PIEZO2: variants seen among roughly 807,000 people sequenced by gnomAD.
PIEZO2 encodes piezo-type mechanosensitive ion channel component 2.
In PIEZO2, 172 loss-of-function variants were observed where a neutral mutation model predicts 337.3. The ratio of observed to expected loss-of-function variants is 0.51; its 90% CI spans 0.45 to 0.58. PIEZO2 has a LOEUF of 0.58. PIEZO2 is among the 20% of genes least tolerant of loss of function. The pLI, the probability that PIEZO2 is intolerant of heterozygous loss-of-function variation, is 0.00. For missense variants in PIEZO2, 3,028 were observed against 3,391.3 expected (o/e 0.89, Z 2.66); for synonymous variants, 1,251 against 1,228.5 (o/e 1.02, Z -0.38).
In PIEZO2 at chr18:10,726,180, T is replaced by C. The variant is rs991485787; in HGVS notation, c.5029+5227A>G. Among the ~76,000 whole-genome samples, 1 of 152,060 alleles carries C rather than the reference T, an allele frequency of 6.6e-6. No homozygotes were observed. The highest frequency in any genetic ancestry group is 2.4e-5 in the African/African-American group (1 of 41,412). On this transcript the variant is annotated intron_variant, in intron 36 of 55. Transcript: ENST00000674853. The surrounding 1 kb of genome is among the most constrained non-coding windows in gnomAD (Gnocchi z 5.9). The stretch of plus-strand genomic sequence containing the variant: ...GAGAGGATTCATATATGTGAGCAAC[T>C]GTGGATCCTTGGGTGCGAGTCCACC...
rs1029006115 is a variant in PIEZO2, at chr18:10,982,281, G to A, written c.161-2621C>T. Among the ~76,000 whole-genome samples the A allele has an allele frequency of 7.9e-5, 12 of 152,176 alleles. No individual in the cohort carries two copies. The highest frequency in any genetic ancestry group is 1.5e-4 in the Non-Finnish European group (10 of 68,012). ...CATATATCAAAGGGAGTTTATTAAGGAGTATTGACTCACACAGTCACAAGG... is the reference window on the plus strand; with the variant it reads ...CATATATCAAAGGGAGTTTATTAAGAAGTATTGACTCACACAGTCACAAGG... On this transcript the variant is annotated intron_variant, in intron 2 of 55. Transcript: ENST00000674853. The surrounding 1 kb of genome is among the most constrained non-coding windows in gnomAD (Gnocchi z 4.1).
rs981554656 is a variant in PIEZO2, at chr18:11,002,615, C to A, written c.161-22955G>T. Among the ~76,000 whole-genome samples, 3 of 152,170 alleles carry A rather than the reference C, an allele frequency of 2.0e-5. No individual in the cohort carries two copies. The highest frequency in any genetic ancestry group is 4.4e-5 in the Non-Finnish European group (3 of 68,038). The stretch of plus-strand genomic sequence containing the variant: ...AAGGAAATTGGAAAAAATATCAGAG[C>A]TCAATTTGTAAAGATATGCCTAATA... On this transcript the variant is annotated intron_variant, in intron 2 of 55. Transcript: ENST00000674853. This position sits in a 1 kb window ranked among gnomAD's most constrained non-coding sequence, Gnocchi z 4.3.
At chr18:10,728,969 AAAAAAC>A (rs1555633290) in intron 36 of PIEZO2, among the ~76,000 whole-genome samples, 105 of 148,716 alleles carry the variant, frequency 7.1e-4, no homozygotes, top group African/African-American at 2.5e-3. Context: ...AAAAAAAAAA[AAAAAAC>A]AAAAACCAAT....
At position 10,862,731 on chromosome 18, in the gene PIEZO2, C is replaced by T. The variant is rs144360509; in HGVS notation, c.493-5520G>A. The stretch of plus-strand genomic sequence containing the variant: ...AATTATGGGAATGAATTCCAGGAAG[C>T]TGTATGATTAAAGTACTCTCTGGGG... On this transcript the variant is annotated intron_variant, in intron 5 of 55. Transcript: ENST00000674853. This position sits in a 1 kb window ranked among gnomAD's most constrained non-coding sequence, Gnocchi z 4.4. 6.6e-6 allele frequency among the ~76,000 whole-genome samples: 1 copy of T among 152,340 alleles called. No homozygotes were observed. Among genetic ancestry groups the T allele is most frequent in the East Asian group, 1.9e-4 (1 of 5,194 alleles).
Position 11,132,024 on chromosome 18 carries a change from CAG to C in PIEZO2, c.64+16499_64+16500del, listed in dbSNP as rs2040354533. ...TGCTGAGTACCCAATTTGCCAACAG[CAG>C]AGACCAATACTGAGCCCTCGATATG... On this transcript the variant is annotated intron_variant, in intron 1 of 55. Coordinates refer to ENST00000674853, the MANE Select transcript of PIEZO2 (RefSeq NM_001378183.1). This position sits in a 1 kb window ranked among gnomAD's most constrained non-coding sequence, Gnocchi z 4.7. 6.6e-6 allele frequency among the ~76,000 whole-genome samples: 1 copy of C among 152,158 alleles called. No individual in the cohort carries two copies. The highest frequency in any genetic ancestry group is 1.5e-5 in the Non-Finnish European group (1 of 68,026).
In PIEZO2 at chr18:11,035,320, T is replaced by C. The variant is rs1271364512; in HGVS notation, c.160+30807A>G. On this transcript the variant is annotated intron_variant, in intron 2 of 55. Coordinates refer to ENST00000674853, the MANE Select transcript of PIEZO2 (RefSeq NM_001378183.1). This position sits in a 1 kb window ranked among gnomAD's most constrained non-coding sequence, Gnocchi z 4.3. ...GGCACCTTCTCTCTCTCTCCCTCTC[T>C]CTCTCTCTCTCTCTTTCTCTCTCTC... 6.7e-6 allele frequency among the ~76,000 whole-genome samples: 1 copy of C among 148,936 alleles called. No individual in the cohort carries two copies. Among genetic ancestry groups the C allele is most frequent in the Non-Finnish European group, 1.5e-5 (1 of 67,186 alleles).
intron 4 of PIEZO2, among the ~76,000 whole-genome samples, chr18:10,909,984 C>A (rs2030314529): frequency 1.3e-5 from 2 of 152,170 alleles, no homozygotes; most frequent in African/African-American, 4.8e-5. Flanking sequence ...GAAACTGCTA[C>A]CACATGGGTC....
At chr18:10,935,090 G>A (rs182130599) in intron 3 of PIEZO2, among the ~76,000 whole-genome samples, 20 of 152,170 alleles carry the variant, frequency 1.3e-4, no homozygotes, top group African/African-American at 3.9e-4. Flanking sequence ...TTCTGTTTTC[G>A]TCCTTACCTA....
At position 10,773,560 on chromosome 18, in the gene PIEZO2, C is replaced by A. The variant is rs541240851; in HGVS notation, c.2637G>T (p.Pro879=). The A allele has an allele frequency of 3.9e-6, 6 of 1,537,362 alleles. No individual in the cohort carries two copies. Among genetic ancestry groups the A allele is most frequent in the African/African-American group, 1.4e-5 (1 of 73,064 alleles). The change falls in exon 20 of 56, where the codon CCG becomes CCT. Residue 879 remains proline, a synonymous_variant. Coordinates refer to ENST00000674853, the MANE Select transcript of PIEZO2 (RefSeq NM_001378183.1). This position sits in a 1 kb window ranked among gnomAD's most constrained non-coding sequence, Gnocchi z 5.3. ...MMHLTASLEK[P]EVRKLAEPGE... ...CAGGCTCAGCCAACTTCCTCACCTCCGGCTTCTCCAGGCTGGCAGTCAGAT... is the reference window on the plus strand; with the variant it reads ...CAGGCTCAGCCAACTTCCTCACCTCAGGCTTCTCCAGGCTGGCAGTCAGAT...
chr18:10,814,238 G>T (rs923316014), intron 7 of PIEZO2, among the ~76,000 whole-genome samples: 1 of 152,046 alleles, frequency 6.6e-6, no homozygotes, highest in Non-Finnish European at 1.5e-5. Context: ...CAAAGTGCTA[G>T]GATTACAGGC....
At position 11,047,243 on chromosome 18, in the gene PIEZO2, G is replaced by T. The variant is rs150216554; in HGVS notation, c.160+18884C>A. ...GGACGCAAACTTGTCCGAGCTGTTG[G>T]ATGGTCAGCTAAGGTTGTGGATACA... On this transcript the variant is annotated intron_variant, in intron 2 of 55. Transcript: ENST00000674853. This position sits in a 1 kb window ranked among gnomAD's most constrained non-coding sequence, Gnocchi z 7.2. Among the ~76,000 whole-genome samples, 1 of 152,314 alleles carries T rather than the reference G, an allele frequency of 6.6e-6. No individual in the cohort carries two copies. The highest frequency in any genetic ancestry group is 1.5e-5 in the Non-Finnish European group (1 of 68,034).
chr18:10,872,015 G>C lies in PIEZO2; in HGVS notation c.330-600C>G, dbSNP rs1382488297. On this transcript the variant is annotated intron_variant, in intron 4 of 55. Transcript: ENST00000674853. The surrounding 1 kb of genome is among the most constrained non-coding windows in gnomAD (Gnocchi z 4.3). ...AACTTAGTAGTTGCATCCTGCTGGGGGCTTCTCACAGCCATCTGTTCTGCT... is the reference window on the plus strand; with the variant it reads ...AACTTAGTAGTTGCATCCTGCTGGGCGCTTCTCACAGCCATCTGTTCTGCT... Among the ~76,000 whole-genome samples the C allele has an allele frequency of 6.6e-6, 1 of 152,106 alleles. No individual in the cohort carries two copies. Among genetic ancestry groups the C allele is most frequent in the Non-Finnish European group, 1.5e-5 (1 of 68,020 alleles).
intron 21 of PIEZO2, among the ~76,000 whole-genome samples, chr18:10,764,869 C>A (rs957779768): frequency 2.0e-5 from 3 of 152,164 alleles, no homozygotes; most frequent in African/African-American, 7.2e-5. Context: ...GATAGATTAG[C>A]GAATTGACTC....
chr18:10,685,620 A>C (rs2034514222), intron 49 of PIEZO2, among the ~76,000 whole-genome samples: 2 of 152,222 alleles, frequency 1.3e-5, no homozygotes, highest in Admixed American at 6.5e-5. Flanking sequence ...GCTGAAGAAC[A>C]GAGCAGCTGC....
In PIEZO2 at chr18:11,110,183, G is replaced by C. The variant is rs149698921; in HGVS notation, c.64+38342C>G. On this transcript the variant is annotated intron_variant, in intron 1 of 55. Coordinates refer to ENST00000674853, the MANE Select transcript of PIEZO2 (RefSeq NM_001378183.1). This position sits in a 1 kb window ranked among gnomAD's most constrained non-coding sequence, Gnocchi z 4.2. ...TCTATCACCCAGGCTGGAGTAAAGT[G>C]GTGTGATCATAGCTCACTGCATCCT... Among the ~76,000 whole-genome samples the C allele has an allele frequency of 1.2e-3, 177 of 152,186 alleles. 5 individuals carry two copies. The East Asian group carries it at 0.03, about 25-fold the overall frequency.
In PIEZO2 at chr18:10,863,806, C is replaced by A. The variant is rs114432280; in HGVS notation, c.493-6595G>T. Among the ~76,000 whole-genome samples the A allele has an allele frequency of 0.018, 2,771 of 152,156 alleles. 83 individuals carry two copies. The highest frequency in any genetic ancestry group is 0.063 in the African/African-American group (2,611 of 41,492). On this transcript the variant is annotated intron_variant, in intron 5 of 55. Transcript: ENST00000674853. The surrounding 1 kb of genome is among the most constrained non-coding windows in gnomAD (Gnocchi z 4.3). ...CCAAATACAATTGACTGTTTAAAGG[C>A]TTTTTTCTTTAAGATATTTTTGTAA...
At chr18:10,796,878 CCAT>C (rs1017881403) in intron 12 of PIEZO2, among the ~76,000 whole-genome samples, 7 of 152,192 alleles carry the variant, frequency 4.6e-5, no homozygotes, top group South Asian at 2.1e-4. Context: ...ATTGTACACA[CCAT>C]CATATCATAC....
chr18:10,704,364 C>T, intron 42 of PIEZO2, 30 bp downstream of exon 42: 1 of 1,533,334 alleles, frequency 6.5e-7, no homozygotes. Flanking sequence ...CCGCCTGAAG[C>T]CATCCACAGG....
At chr18:10,693,581 TG>T (rs1943051851) in intron 47 of PIEZO2, among the ~76,000 whole-genome samples, 1 of 151,918 alleles carries the variant, frequency 6.6e-6, no homozygotes, top group South Asian at 2.1e-4. Context: ...CAGGCTGGTC[TG>T]GTATCTAACT....
Sources: gnomAD v4.1 joint callset for allele counts (sites outside exome capture counted in the v4.1 genomes callset) on GRCh38, gnomAD v4.1.1 for gene constraint, Gnocchi (gnomAD v3.1) non-coding constraint, MANE v1.5 for transcripts, NCBI Gene and HGNC (gene_info 2026-07-23, HGNC 2026-07-21) for gene names.